The following ACBD5 variants were observed in gnomAD, a reference collection of about 807,000 sequenced individuals.
The protein encoded by ACBD5 is acyl-CoA-binding domain-containing protein 5.
A neutral mutation model predicts 71.8 loss-of-function variants in ACBD5; 40 were observed. The observed-to-expected ratio is 0.56, with a 90% CI of 0.43 to 0.72. ACBD5 has a LOEUF of 0.72. Among genes scored for constraint, ACBD5 ranks in the 30% least tolerant of loss-of-function variants. ACBD5 has a pLI of 0.00. For synonymous variants in ACBD5, 229 were observed against 218.6 expected (o/e 1.05, Z -0.42); for missense variants, 559 against 644.5 (o/e 0.87, Z 1.44).
chr10:27,206,808 G>A (rs1300682025), intron 10 of ACBD5, among the ~76,000 whole-genome samples: 2 of 151,736 alleles, frequency 1.3e-5, no homozygotes, highest in Admixed American at 6.6e-5. Context: ...GAGTCACCGC[G>A]CCCGGTCATA....
At chr10:27,239,218 T>C (rs997974881) in intron 2 of ACBD5, among the ~76,000 whole-genome samples, 2 of 152,102 alleles carry the variant, frequency 1.3e-5, no homozygotes, top group African/African-American at 4.8e-5. Context: ...AATATGTTTA[T>C]TGTGAAATAT....
chr10:27,184,554 ATTTTTTTT>A (rs752147433), intron 13 of ACBD5, among the ~76,000 whole-genome samples: 13 of 84,858 alleles, frequency 1.5e-4, no homozygotes, highest in South Asian at 1.4e-3. Context: ...TATAAGAAGG[ATTTTTTTT>A]TTTTTTTTTT....
Position 27,240,267 on chromosome 10 carries a change from G to A in ACBD5, c.181+52C>T. 1.9e-6 allele frequency: 3 copies of A among 1,613,704 alleles called. No individual in the cohort carries two copies. The highest frequency in any genetic ancestry group is 1.3e-5 in the African/African-American group (1 of 75,028). ...CACTAGAACCAGAAAGTGAAAGGGG[G>A]CTTTGGGGCTCTCTGCAGGAGGCGT... On this transcript the variant is annotated intron_variant, in intron 2 of 12. Coordinates refer to ENST00000396271, the MANE Select transcript of ACBD5 (RefSeq NM_145698.5). This position sits in a 1 kb window ranked among gnomAD's most constrained non-coding sequence, Gnocchi z 4.1.
intron 7 of ACBD5, among the ~76,000 whole-genome samples, chr10:27,216,739 A>G (rs1243418045): frequency 6.6e-6 from 1 of 152,214 alleles, no homozygotes; most frequent in African/African-American, 2.4e-5. Context: ...TTCCATAAAG[A>G]CAGCCTAGAT....
At chr10:27,226,445 A>G in intron 4 of ACBD5, among the ~76,000 whole-genome samples, 1 of 100,486 alleles carries the variant, frequency 1.0e-5, no homozygotes, top group East Asian at 3.1e-4. Context: ...CATGAGATAC[A>G]GACTACACAC....
chr10:27,218,285 T>A (rs1589187987), intron 6 of ACBD5, 102 bp from the exon 7 acceptor site: 16 of 968,408 alleles, frequency 1.7e-5, no homozygotes, highest in Non-Finnish European at 2.5e-5. Context: ...CCTACCACAA[T>A]CCCTTTGAAG....
At chr10:27,225,994 C>T (rs1393296672) in intron 4 of ACBD5, among the ~76,000 whole-genome samples, 2 of 152,040 alleles carry the variant, frequency 1.3e-5, no homozygotes, top group Non-Finnish European at 2.9e-5. Flanking sequence ...AAACTGTGGA[C>T]TGAAGTCTCA....
upstream of ACBD5, chr10:27,242,073 A>C: frequency 2.2e-6 from 1 of 453,564 alleles, no homozygotes; most frequent in Non-Finnish European, 4.4e-6. Context: ...GTATTGCCGG[A>C]CAAGGCCTGT....
rs2065311286 is a variant in ACBD5, at chr10:27,240,278, C to G, written c.181+41G>C. The stretch of plus-strand genomic sequence containing the variant: ...GAAAGTGAAAGGGGGCTTTGGGGCT[C>G]TCTGCAGGAGGCGTCTACAGCCGGG... On this transcript the variant is annotated intron_variant, in intron 2 of 12. Transcript: ENST00000396271. The surrounding 1 kb of genome is among the most constrained non-coding windows in gnomAD (Gnocchi z 4.1). 6.2e-7 allele frequency: 1 copy of G among 1,613,688 alleles called. No homozygotes were observed. The highest frequency in any genetic ancestry group is 1.3e-5 in the African/African-American group (1 of 74,882).
chr10:27,236,884 CAAAA>C (rs5783998), intron 2 of ACBD5, among the ~76,000 whole-genome samples: 13 of 87,132 alleles, frequency 1.5e-4, no homozygotes, highest in African/African-American at 4.7e-4. Flanking sequence ...GACTTGGTCT[CAAAA>C]AAAAAAAAAA....
chr10:27,231,630 G>T (rs2063876238), intron 4 of ACBD5, 118 bp downstream of exon 4: 5 of 866,250 alleles, frequency 5.8e-6, no homozygotes, highest in Non-Finnish European at 9.4e-6. Context: ...CAATAATCTA[G>T]ATTCTATTGT....
intron 5 of ACBD5, among the ~76,000 whole-genome samples, chr10:27,220,666 G>A (rs1389029822): frequency 6.6e-6 from 1 of 152,076 alleles, no homozygotes; most frequent in Non-Finnish European, 1.5e-5. Context: ...AATCCAAGCT[G>A]GCATTTCTGC....
chr10:27,218,128 A>G lies in ACBD5; in HGVS notation c.681T>C (p.Thr227=), dbSNP rs2061880913. Residue 227 remains threonine, a synonymous_variant, in exon 7 of 13, where the codon ACT becomes ACC. Coordinates refer to ENST00000396271, the MANE Select transcript of ACBD5 (RefSeq NM_145698.5). ...CAAAGCCATCTTTATCATAGCCATT[A>G]GTGACAATGACTTCCAAATTCTTAT... ...ADHKNLEVIV[T]NGYDKDGFVQ... 6.2e-7 allele frequency: 1 copy of G among 1,614,110 alleles called. No homozygotes were observed.
chr10:27,192,021 A>G (rs945693429), downstream of ACBD5, among the ~76,000 whole-genome samples: 3 of 152,198 alleles, frequency 2.0e-5, no homozygotes, highest in African/African-American at 7.2e-5. Context: ...AAACTCCCCA[A>G]AATACAAAAG....
rs1456062403 is a variant in ACBD5, at chr10:27,240,493, T to C, written c.16-9A>G. ...CAAGAGCCTGCATGAAACTGGAACA[T>C]GGAGCGCAGCCGCGGATCAACATGC... On this transcript the variant is annotated splice_polypyrimidine_tract_variant and intron_variant, in intron 1 of 12. Coordinates refer to ENST00000396271, the MANE Select transcript of ACBD5 (RefSeq NM_145698.5). This position sits in a 1 kb window ranked among gnomAD's most constrained non-coding sequence, Gnocchi z 4.1. The C allele has an allele frequency of 2.5e-6, 4 of 1,600,406 alleles. No homozygotes were observed. The highest frequency in any genetic ancestry group is 1.1e-5 in the South Asian group (1 of 89,906).
At chr10:27,229,694 C>T (rs369817817) in intron 4 of ACBD5, among the ~76,000 whole-genome samples, 11 of 152,070 alleles carry the variant, frequency 7.2e-5, no homozygotes, top group Admixed American at 1.3e-4. Context: ...TTTAGAAACA[C>T]GCAATTTTAT....
rs1045090355 is a variant in ACBD5 at position 27,226,530 on chromosome 10, C to A, written c.376-3078G>T. The stretch of plus-strand genomic sequence containing the variant: ...TCTCAGTCTAGGTAACTACTACCTA[C>A]CCTCAGAGAAGATGTTATCTAAACC... On this transcript the variant is annotated intron_variant, in intron 4 of 12. Coordinates refer to ENST00000396271, the MANE Select transcript of ACBD5 (RefSeq NM_145698.5). Among the ~76,000 whole-genome samples the A allele has an allele frequency of 4.0e-5, 6 of 151,638 alleles. No homozygotes were observed. The Admixed American group carries it at 4.0e-4, about 10-fold the overall frequency.
intron 12 of ACBD5, among the ~76,000 whole-genome samples, chr10:27,202,917 T>C (rs1488461657): frequency 6.7e-6 from 1 of 149,576 alleles, no homozygotes; most frequent in Non-Finnish European, 1.5e-5. Context: ...TAGGAGGAAT[T>C]GAAAATGTAT....
chr10:27,224,487 G>A lies in ACBD5; in HGVS notation c.376-1035C>T, dbSNP rs368786026. ...GTCTGTTCTTTAACAATAAGGTAGC[G>A]TAGTATTTCTAACAGGGCACAAAAG... On this transcript the variant is annotated intron_variant, in intron 4 of 12. Coordinates refer to ENST00000396271, the MANE Select transcript of ACBD5 (RefSeq NM_145698.5). Among the ~76,000 whole-genome samples, 14 of 152,248 alleles carry A rather than the reference G, an allele frequency of 9.2e-5. No individual in the cohort carries two copies. In the South Asian group the frequency reaches 1.9e-3, roughly 20 times the overall value.
Sources: allele counts gnomAD v4.1 joint callset (sites outside exome capture counted in the v4.1 genomes callset), GRCh38; gene constraint gnomAD v4.1.1; non-coding constraint Gnocchi (gnomAD v3.1); transcripts MANE v1.5; gene names NCBI Gene and HGNC (gene_info 2026-07-23, HGNC 2026-07-21).